Variants in CNST observed in about 807,000 individuals in gnomAD.
CNST encodes consortin, connexin sorting protein.
A neutral mutation model predicts 72.4 loss-of-function variants in CNST; 39 were observed. The observed-to-expected ratio is 0.54, with a 90% CI of 0.42 to 0.70. The LOEUF (loss-of-function observed/expected upper bound fraction) is 0.70. Among genes scored for constraint, CNST ranks in the 30% least tolerant of loss-of-function variants. The pLI is 0.00. For missense variants in CNST, 871 were observed against 868.5 expected (o/e 1.00, Z -0.04); for synonymous variants, 332 against 320.1 (o/e 1.04, Z -0.40).
intron 2 of CNST, among the ~76,000 whole-genome samples, chr1:246,601,482 A>G (rs1662285782): frequency 6.6e-6 from 1 of 152,092 alleles, no homozygotes; most frequent in Non-Finnish European, 1.5e-5. Context: ...GGTGGAGTCC[A>G]GTGGGAAGGC....
chr1:246,612,759 C>T (rs1663413990), intron 2 of CNST, among the ~76,000 whole-genome samples: 1 of 151,984 alleles, frequency 6.6e-6, no homozygotes, highest in Non-Finnish European at 1.5e-5. Flanking sequence ...GGGGTGTGCA[C>T]TTGTTGTCCC....
intron 3 of CNST, among the ~76,000 whole-genome samples, chr1:246,628,469 C>T (rs979210133): frequency 2.0e-5 from 3 of 152,154 alleles, no homozygotes; most frequent in Admixed American, 6.5e-5. Flanking sequence ...AATGGAAATA[C>T]GACAACATAT....
At chr1:246,621,358 G>A in intron 2 of CNST, 71 bp from the exon 3 acceptor site, 3 of 1,193,664 alleles carry the variant, frequency 2.5e-6, no homozygotes, top group Non-Finnish European at 3.7e-6. Context: ...CAAACTATAT[G>A]TAATTGTTTT....
intron 3 of CNST, among the ~76,000 whole-genome samples, chr1:246,621,862 G>A: frequency 6.6e-6 from 1 of 152,126 alleles, no homozygotes; most frequent in East Asian, 1.9e-4. Context: ...GGGCATGGTG[G>A]TGCACACCTG....
intron 6 of CNST, among the ~76,000 whole-genome samples, chr1:246,638,074 G>T (rs2103113014): frequency 6.6e-6 from 1 of 152,284 alleles, no homozygotes; most frequent in South Asian, 2.1e-4. Flanking sequence ...GAAAGGTGAG[G>T]ACAAGTGAGA....
intron 3 of CNST, among the ~76,000 whole-genome samples, chr1:246,626,451 C>CTTTTTTTTTTTTTTT (rs74163468): frequency 1.3e-5 from 1 of 79,920 alleles, no homozygotes. Context: ...TAGGTTTGTC[C>CTTTTTTTTTTTTTTT]TTTTTTTTTT....
chr1:246,660,972 T>G (rs1290208026), intron 10 of CNST, among the ~76,000 whole-genome samples: 1 of 151,686 alleles, frequency 6.6e-6, no homozygotes, highest in Non-Finnish European at 1.5e-5. Context: ...TCTTTTGTTG[T>G]TTTTTTGTTT....
chr1:246,626,145 G>A (rs143318373), intron 3 of CNST, among the ~76,000 whole-genome samples: 103 of 152,040 alleles, frequency 6.8e-4, no homozygotes, highest in African/African-American at 2.2e-3. Flanking sequence ...CACCTCACGG[G>A]TTCAAGTAGT....
Position 246,648,049 on chromosome 1 carries a change from A to C in CNST, c.1836+12A>C. 1 of 1,580,828 alleles carries C rather than the reference A, an allele frequency of 6.3e-7. No homozygotes were observed. Among genetic ancestry groups the C allele is most frequent in the Non-Finnish European group, 8.6e-7 (1 of 1,166,386 alleles). ...TAGAGATTGCAGAGGTAAATCAGAG[A>C]TGAAGTACAATTAAAAGTAAAATGG... On this transcript the variant is annotated intron_variant, in intron 9 of 10. Transcript: ENST00000366513.
intron 1 of CNST, among the ~76,000 whole-genome samples, chr1:246,568,600 A>G (rs1307530798): frequency 6.6e-6 from 1 of 152,050 alleles, no homozygotes; most frequent in Non-Finnish European, 1.5e-5. Flanking sequence ...TTTTGAAGTA[A>G]TTTTGAGATG....
At chr1:246,642,130 C>CT in intron 8 of CNST, 93 bp downstream of exon 8, 2 of 214,390 alleles carry the variant, frequency 9.3e-6, no homozygotes, top group South Asian at 8.8e-5. Context: ...TGCAAAGGAT[C>CT]TGGTTTTTTT....
At chr1:246,638,635 G>A (rs1246288884) in intron 6 of CNST, among the ~76,000 whole-genome samples, 1 of 152,142 alleles carries the variant, frequency 6.6e-6, no homozygotes, top group Non-Finnish European at 1.5e-5. Context: ...GGTTCCTAGG[G>A]GGAGCAGATT....
intron 6 of CNST, among the ~76,000 whole-genome samples, chr1:246,640,355 C>T (rs1665605883): frequency 6.6e-6 from 1 of 152,050 alleles, no homozygotes; most frequent in Admixed American, 6.6e-5. Flanking sequence ...TGCTAGAAAG[C>T]AAATAGAATA....
At chr1:246,621,357 T>C (rs1664074882) in intron 2 of CNST, 72 bp from the exon 3 acceptor site, 2 of 1,179,192 alleles carry the variant, frequency 1.7e-6, no homozygotes, top group Non-Finnish European at 2.5e-6. Context: ...TCAAACTATA[T>C]GTAATTGTTT....
chr1:246,610,278 C>T (rs182219745), intron 2 of CNST, among the ~76,000 whole-genome samples: 28 of 151,768 alleles, frequency 1.8e-4, no homozygotes, highest in Non-Finnish European at 3.1e-4. Context: ...GAGACTCCGT[C>T]GCAAAAACAA....
rs1316930681 is a variant in CNST at position 246,647,525 on chromosome 1, A to G, written c.1324A>G (p.Ile442Val). The change falls in exon 9 of 11, where the codon ATA (isoleucine) becomes GTA (valine). Residue 442 changes from isoleucine (I) to valine (V), a missense_variant. By Grantham distance (29) the Ile-to-Val change is conservative (BLOSUM62 3). Transcript: ENST00000366513. ...GTTGATTTCACCAGGCTGTGACCGT[A>G]TACCTCCTGCATTGATTTCTGAGGG... ...EPLISPGCDR[I>V]PPALISEGKY... 1 of 1,614,074 alleles carries G rather than the reference A, an allele frequency of 6.2e-7. No homozygotes were observed. Among genetic ancestry groups the G allele is most frequent in the Non-Finnish European group, 8.5e-7 (1 of 1,180,052 alleles).
Position 246,666,172 on chromosome 1 carries a change from A to G in CNST, c.*267A>G, listed in dbSNP as rs1394535960. 2.4e-6 allele frequency: 1 copy of G among 420,760 alleles called. No homozygotes were observed. Among genetic ancestry groups the G allele is most frequent in the Admixed American group, 3.9e-5 (1 of 25,566 alleles). 26.1% of individuals were successfully genotyped at this position (420,760 alleles called of 1,614,324 possible). A position where few individuals can be genotyped will look rare whatever the true frequency, so the allele number is the denominator to read the frequency against. On this transcript the variant is annotated 3_prime_UTR_variant, in exon 11 of 11. Transcript: ENST00000366513. ...CTCCTCCTCACTGCCTCCTAATGTC[A>G]TGAGGTACACTGAGCAGAATTAAAC... is the stretch of plus-strand genomic sequence containing the variant.
intron 6 of CNST, among the ~76,000 whole-genome samples, chr1:246,637,724 A>G (rs537637592): frequency 6.6e-6 from 1 of 152,328 alleles, no homozygotes; most frequent in East Asian, 1.9e-4. Flanking sequence ...ACGTGGAGAC[A>G]ACTTGGGTGA....
intron 8 of CNST, among the ~76,000 whole-genome samples, chr1:246,644,262 G>A (rs1179095450): frequency 1.3e-5 from 2 of 152,072 alleles, no homozygotes; most frequent in South Asian, 2.1e-4. Flanking sequence ...GGTGGCGGGC[G>A]CCTGTAGTCC....
Sources: allele counts gnomAD v4.1 joint callset (sites outside exome capture counted in the v4.1 genomes callset), GRCh38; gene constraint gnomAD v4.1.1; transcripts MANE v1.5; gene names NCBI Gene and HGNC (gene_info 2026-07-23, HGNC 2026-07-21).